Variants in SLC9A8 observed in about 807,000 individuals in gnomAD.
SLC9A8 encodes solute carrier family 9 member A8, also known as sodium/hydrogen exchanger 8.
SLC9A8 carries 48 observed loss-of-function variants against 66.6 expected under a neutral mutation model. The ratio of observed to expected loss-of-function variants is 0.72; its 90% confidence interval spans 0.57 to 0.92. The LOEUF (loss-of-function observed/expected upper bound fraction) is 0.92. SLC9A8 is among the 40% of genes least tolerant of loss of function. SLC9A8 has a pLI of 0.00. For missense variants in SLC9A8, 599 were observed against 747.3 expected, an observed-to-expected ratio of 0.80 and a Z score of 2.31; for synonymous variants, 274 against 282.6, an observed-to-expected ratio of 0.97 and a Z score of 0.31.
intron 2 of SLC9A8, among the ~76,000 whole-genome samples, chr20:49,817,454 GT>G (rs76109874): frequency 0.12 from 16,129 of 132,080 alleles, 1,145 homozygotes; most frequent in East Asian, 0.44. Flanking sequence ...AGGTGCAACT[GT>G]TTTTTTTTTT....
intron 3 of SLC9A8, among the ~76,000 whole-genome samples, chr20:49,827,910 T>C (rs963177120): frequency 2.6e-5 from 4 of 152,068 alleles, no homozygotes; most frequent in African/African-American, 9.7e-5. Context: ...TTTTAAACCA[T>C]ATTTGTGCTA....
chr20:49,836,417 G>A (rs906978570), intron 3 of SLC9A8, among the ~76,000 whole-genome samples: 3 of 152,108 alleles, frequency 2.0e-5, no homozygotes, highest in East Asian at 1.9e-4. Context: ...TACTGCAACC[G>A]CCGCCTCCCA....
intron 10 of SLC9A8, among the ~76,000 whole-genome samples, chr20:49,867,530 A>G (rs987980343): frequency 6.6e-6 from 1 of 152,040 alleles, no homozygotes; most frequent in Non-Finnish European, 1.5e-5. Context: ...CATCCGACAT[A>G]TTTACTGATC....
At chr20:49,830,646 AGGG>A (rs1568805151) in intron 3 of SLC9A8, 1 of 631,218 alleles carries the variant, frequency 1.6e-6, no homozygotes, top group East Asian at 2.8e-5. Flanking sequence ...AGCTGGAGAC[AGGG>A]GCCTATAGGA....
At chr20:49,876,274 G>A (rs1286765028) in intron 11 of SLC9A8, among the ~76,000 whole-genome samples, 1 of 152,180 alleles carries the variant, frequency 6.6e-6, no homozygotes, top group Non-Finnish European at 1.5e-5. Context: ...CTGACCCTGA[G>A]CCTCCCAGTT....
Position 49,884,223 on chromosome 20 carries a change from C to CACACACACACACG in SLC9A8, c.1491+169_1491+170insGACACACACACAC, listed in dbSNP as rs2089747063. 1.2e-3 allele frequency: 295 copies of CACACACACACACG among 242,648 alleles called. 2 individuals carry two copies. Among genetic ancestry groups the CACACACACACACG allele is most frequent in the African/African-American group, 3.2e-3 (63 of 19,804 alleles). 15.0% of individuals were successfully genotyped at this position (242,648 alleles called of 1,614,324 possible). ...CGACACACACACACACACACACACA[C>CACACACACACACG]ACACACACACACACACACGACACAC... On this transcript the variant is annotated intron_variant, in intron 14 of 15. Coordinates refer to ENST00000361573, the MANE Select transcript of SLC9A8 (RefSeq NM_015266.3).
At chr20:49,829,353 A>G (rs1600659607) in intron 3 of SLC9A8, 1 of 161,946 alleles carries the variant, frequency 6.2e-6, no homozygotes, top group African/African-American at 2.4e-5. Context: ...TCCCGTCTAT[A>G]CTAAAAATAC....
intron 2 of SLC9A8, among the ~76,000 whole-genome samples, chr20:49,817,008 G>T (rs993235014): frequency 1.3e-5 from 2 of 151,766 alleles, no homozygotes; most frequent in South Asian, 2.1e-4. Context: ...GATTACAGGC[G>T]TGAGCCACCA....
At chr20:49,833,668 C>G (rs771897205) in intron 3 of SLC9A8, among the ~76,000 whole-genome samples, 1 of 152,164 alleles carries the variant, frequency 6.6e-6, no homozygotes, top group African/African-American at 2.4e-5. Context: ...CCCGAGCCAA[C>G]GGGCCAGCAT....
chr20:49,815,469 C>T (rs1211233257), intron 2 of SLC9A8: 1 of 266,248 alleles, frequency 3.8e-6, no homozygotes, highest in Non-Finnish European at 7.0e-6. Context: ...AATCTTGAGG[C>T]CTGGCGCGGT....
chr20:49,845,995 C>T (rs553976976), intron 5 of SLC9A8, among the ~76,000 whole-genome samples: 33 of 152,184 alleles, frequency 2.2e-4, no homozygotes, highest in East Asian at 9.7e-4. Flanking sequence ...CCACCTTGCC[C>T]GGCTAATTTT....
chr20:49,824,430 C>T (rs2086846119), intron 3 of SLC9A8, among the ~76,000 whole-genome samples: 1 of 152,136 alleles, frequency 6.6e-6, no homozygotes, highest in South Asian at 2.1e-4. Flanking sequence ...GACTAATACC[C>T]ATAATTCTGG....
intron 3 of SLC9A8, among the ~76,000 whole-genome samples, chr20:49,828,540 T>TAA (rs772428822): frequency 1.0e-4 from 13 of 128,520 alleles, no homozygotes; most frequent in African/African-American, 2.0e-4. Context: ...TGTTTTTAAT[T>TAA]AAAAAAAAAA....
At chr20:49,858,817 G>T (rs1265615152) in intron 8 of SLC9A8, among the ~76,000 whole-genome samples, 1 of 151,968 alleles carries the variant, frequency 6.6e-6, no homozygotes, top group Non-Finnish European at 1.5e-5. Context: ...AATTAGCCCG[G>T]CATGGTGGTA....
intron 7 of SLC9A8, among the ~76,000 whole-genome samples, chr20:49,851,353 G>A (rs769396694): frequency 1.3e-5 from 2 of 152,146 alleles, no homozygotes; most frequent in African/African-American, 2.4e-5. Context: ...CTTCCCATGA[G>A]CCCCATCCAG....
At chr20:49,855,204 G>A (rs547663995) in intron 7 of SLC9A8, among the ~76,000 whole-genome samples, 3 of 152,280 alleles carry the variant, frequency 2.0e-5, no homozygotes, top group Admixed American at 1.3e-4. Context: ...TCAAGTCTCC[G>A]TGCTGACACT....
chr20:49,823,046 T>A lies in SLC9A8; in HGVS notation c.209-15T>A. ...GTGTTTTTTTTAAAACATTGTATTATTTTTTTTTCCACAGCTATCTGCATC... is the reference window on the plus strand; with the variant it reads ...GTGTTTTTTTTAAAACATTGTATTAATTTTTTTTCCACAGCTATCTGCATC... On this transcript the variant is annotated splice_polypyrimidine_tract_variant and intron_variant, in intron 2 of 15. Coordinates refer to ENST00000361573, the MANE Select transcript of SLC9A8 (RefSeq NM_015266.3). The A allele has an allele frequency of 6.4e-7, 1 of 1,553,064 alleles. No individual in the cohort carries two copies. The highest frequency in any genetic ancestry group is 8.8e-7 in the Non-Finnish European group (1 of 1,135,070).
At chr20:49,880,274 A>AG (rs995740366) in intron 12 of SLC9A8, among the ~76,000 whole-genome samples, 2 of 151,566 alleles carry the variant, frequency 1.3e-5, no homozygotes, top group Non-Finnish European at 2.9e-5. Flanking sequence ...AAAAAAAAAA[A>AG]AAAAAGATGT....
At chr20:49,874,570 AG>A in intron 10 of SLC9A8, 134 bp from the exon 11 acceptor site, 1 of 675,260 alleles carries the variant, frequency 1.5e-6, no homozygotes, top group Non-Finnish European at 2.7e-6. Context: ...AGCCTCTGGG[AG>A]GCTTCAGGAA....
Sources: gnomAD v4.1 joint callset for allele counts (sites outside exome capture counted in the v4.1 genomes callset) on GRCh38, gnomAD v4.1.1 for gene constraint, MANE v1.5 for transcripts, NCBI Gene and HGNC (gene_info 2026-07-23, HGNC 2026-07-21) for gene names.